The following KIAA1549 variants were observed in gnomAD, a reference collection of about 807,000 sequenced individuals.
The protein encoded by KIAA1549 is KIAA1549.
In KIAA1549, 70 loss-of-function variants were observed where a neutral mutation model predicts 156.4. The ratio of observed to expected loss-of-function variants is 0.45; its 90% CI spans 0.37 to 0.55. The LOEUF is 0.55. KIAA1549 is among the 20% of genes least tolerant of loss of function. KIAA1549 has a pLI of 0.00. For missense variants in KIAA1549, 2,428 were observed against 2,540.9 expected (o/e 0.96, Z 0.96); for synonymous variants, 1,103 against 1,066.4 (o/e 1.03, Z -0.67).
chr7:138,837,987 C>T lies in KIAA1549; in HGVS notation c.5772G>A (p.Ser1924=), dbSNP rs748810208. Residue 1924 remains serine (S), a synonymous_variant, in exon 20 of 20, where the codon TCG becomes TCA. Coordinates refer to ENST00000422774, the MANE Select transcript of KIAA1549 (RefSeq NM_001164665.2). ...STEDLQPGHS[S]ASLIKAIREE... is the part of the protein sequence containing the mutation. ...CGCGGATTGCTTTGATGAGAGAGGC[C>T]GAGGAGTGGCCAGGCTGGAGGTCTT... The T allele has an allele frequency of 1.9e-5, 31 of 1,613,206 alleles. No homozygotes were observed. Among genetic ancestry groups the T allele is most frequent in the Admixed American group, 5.0e-5 (3 of 59,944 alleles).
rs116020169 is a variant in KIAA1549, at chr7:138,854,525, C to A, written c.5248-2256G>T. Among the ~76,000 whole-genome samples, 377 of 152,226 alleles carry A rather than the reference C, an allele frequency of 2.5e-3. 2 individuals are homozygous for A. Among genetic ancestry groups the A allele is most frequent in the African/African-American group, 8.5e-3 (355 of 41,534 alleles). On this transcript the variant is annotated intron_variant, in intron 16 of 19. Transcript: ENST00000422774. ...CGGTAACTGAAGGCACCTTGAAATC[C>A]ACATTCCTGTGGTTTTTCTTTTTTT...
At chr7:138,915,014 CTT>C (rs990878423) in intron 2 of KIAA1549, among the ~76,000 whole-genome samples, 1 of 152,182 alleles carries the variant, frequency 6.6e-6, no homozygotes, top group African/African-American at 2.4e-5. Context: ...ATGAGAAACT[CTT>C]TTCCCTCCTC....
chr7:138,950,332 C>T (rs1298871042), intron 1 of KIAA1549, among the ~76,000 whole-genome samples: 2 of 152,084 alleles, frequency 1.3e-5, no homozygotes, highest in African/African-American at 4.8e-5. Flanking sequence ...ACTAACAGAT[C>T]GCCCTAACAA....
chr7:138,939,983 CAAAAA>C (rs202222244), intron 1 of KIAA1549, among the ~76,000 whole-genome samples: 7 of 151,808 alleles, frequency 4.6e-5, no homozygotes, highest in African/African-American at 1.7e-4. Flanking sequence ...CCCATTTCTA[CAAAAA>C]AAATTTTTTT....
rs773190609 is a variant in KIAA1549 at position 138,918,353 on chromosome 7, T to G, written c.1273A>C (p.Thr425Pro). The G allele has an allele frequency of 1.1e-5, 17 of 1,613,854 alleles. No individual in the cohort carries two copies. Among genetic ancestry groups the G allele is most frequent in the Non-Finnish European group, 1.4e-5 (17 of 1,179,904 alleles). The change falls in exon 2 of 20, where the codon ACT (threonine) becomes CCT (proline). Residue 425 changes from threonine to proline, a missense_variant. Around this residue, in one of 5 missense-constraint regions of KIAA1549, gnomAD observed 893 missense variants for 847.9 expected, o/e 1.05. Coordinates refer to ENST00000422774, the MANE Select transcript of KIAA1549 (RefSeq NM_001164665.2). The surrounding 1 kb of genome is among the most constrained non-coding windows in gnomAD (Gnocchi z 4.2). ...FRPYTWCAAC[T>P]VPSPQQVLAT... ...AGAACTTGCTGAGGTGAAGGCACAG[T>G]GCAGGCCGCACACCAAGTGTATGGT...
chr7:138,841,892 T>A (rs199714302), intron 18 of KIAA1549, among the ~76,000 whole-genome samples: 24 of 141,668 alleles, frequency 1.7e-4, no homozygotes, highest in East Asian at 1.4e-3. Flanking sequence ...CAACCACATT[T>A]AAAAAAAAAA....
At chr7:138,882,211 T>C (rs1811264959) in intron 10 of KIAA1549, among the ~76,000 whole-genome samples, 1 of 152,138 alleles carries the variant, frequency 6.6e-6, no homozygotes, top group South Asian at 2.1e-4. Flanking sequence ...GCCATGCGCA[T>C]AAAACCACAA....
At chr7:138,868,553 G>C (rs570408504) in intron 14 of KIAA1549, among the ~76,000 whole-genome samples, 3 of 152,252 alleles carry the variant, frequency 2.0e-5, no homozygotes, top group African/African-American at 7.2e-5. Context: ...TCAGCCTCCT[G>C]AGTAGCTGGG....
At chr7:138,880,311 G>T (rs1166773180) in intron 11 of KIAA1549, among the ~76,000 whole-genome samples, 1 of 151,918 alleles carries the variant, frequency 6.6e-6, no homozygotes, top group African/African-American at 2.4e-5. Context: ...CAATGACAAG[G>T]CTACCAGGCA....
chr7:138,878,074 G>A (rs939451053), intron 12 of KIAA1549, among the ~76,000 whole-genome samples: 1 of 152,296 alleles, frequency 6.6e-6, no homozygotes, highest in African/African-American at 2.4e-5. Flanking sequence ...TTACCATGGT[G>A]CTAAATAATT....
chr7:138,951,058 TTTTTGTTTTG>T (rs201826819), intron 1 of KIAA1549, among the ~76,000 whole-genome samples: 1 of 152,016 alleles, frequency 6.6e-6, no homozygotes, highest in East Asian at 1.9e-4. Context: ...TCTTCTGGTT[TTTTTGTTTTG>T]TTTTGTTTTG....
At chr7:138,943,863 CAA>C (rs367938533) in intron 1 of KIAA1549, among the ~76,000 whole-genome samples, 1 of 145,860 alleles carries the variant, frequency 6.9e-6, no homozygotes, top group African/African-American at 2.5e-5. Context: ...AAAAACAAAA[CAA>C]AAAAAAAATG....
intron 14 of KIAA1549, 59 bp from the exon 15 acceptor site, chr7:138,868,187 C>T: frequency 6.5e-7 from 1 of 1,527,622 alleles, no homozygotes; most frequent in Non-Finnish European, 8.9e-7. Context: ...CACTGACTTA[C>T]CAACTAAACA....
chr7:138,887,432 C>G (rs1331387918), intron 10 of KIAA1549, among the ~76,000 whole-genome samples: 1 of 152,136 alleles, frequency 6.6e-6, no homozygotes, highest in East Asian at 1.9e-4. Context: ...CCCCGGGGAG[C>G]AGACACACAG....
chr7:138,925,829 C>CAAAAAAAAAAA (rs59066216), intron 1 of KIAA1549, among the ~76,000 whole-genome samples: 2 of 44,604 alleles, frequency 4.5e-5, no homozygotes, highest in Non-Finnish European at 8.8e-5. Context: ...GATCCTGTCT[C>CAAAAAAAAAAA]AAAAAAAAAA....
rs374222997 is a variant in KIAA1549, at chr7:138,868,144, G to T, written c.4776-16C>A. 3 of 1,608,892 alleles carry T rather than the reference G, an allele frequency of 1.9e-6. No homozygotes were observed. Among genetic ancestry groups the T allele is most frequent in the Non-Finnish European group, 2.5e-6 (3 of 1,178,130 alleles). On this transcript the variant is annotated splice_polypyrimidine_tract_variant and intron_variant, in intron 14 of 19. Transcript: ENST00000422774. ...TATCCGTGAGCTGCCAGGAAAAAGA[G>T]AAATTATCTTCGTAGGAAATCACCC...
At chr7:138,892,014 T>C (rs1327014139) in intron 10 of KIAA1549, among the ~76,000 whole-genome samples, 1 of 152,268 alleles carries the variant, frequency 6.6e-6, no homozygotes, top group African/African-American at 2.4e-5. Flanking sequence ...TCTGCAACAC[T>C]GGCAAGGCTT....
intron 1 of KIAA1549, 126 bp from the exon 2 acceptor site, chr7:138,919,564 C>T (rs1812492128): frequency 2.7e-6 from 4 of 1,457,318 alleles, no homozygotes; most frequent in East Asian, 2.3e-5. Context: ...CATGAATCAC[C>T]GTCAGAAGTT....
rs556151303 is a variant in KIAA1549, at chr7:138,915,958, C to T, written c.2878+790G>A. ...TCAGGTGGGCACCAGCTTCACGCGGCCACAGCAGCCATGCAACTGCAAGGG... is the reference window on the plus strand; with the variant it reads ...TCAGGTGGGCACCAGCTTCACGCGGTCACAGCAGCCATGCAACTGCAAGGG... On this transcript the variant is annotated intron_variant, in intron 2 of 19. Transcript: ENST00000422774. Among the ~76,000 whole-genome samples, 39 of 152,380 alleles carry T rather than the reference C, an allele frequency of 2.6e-4. 1 individual carries two copies. In the South Asian group the frequency reaches 6.4e-3, roughly 25 times the overall value.
Sources: gnomAD v4.1 joint callset for allele counts (sites outside exome capture counted in the v4.1 genomes callset) on GRCh38, gnomAD v4.1.1 for gene constraint, gnomAD v4.1.1 regional missense constraint, Gnocchi (gnomAD v3.1) non-coding constraint, MANE v1.5 for transcripts, NCBI Gene and HGNC (gene_info 2026-07-23, HGNC 2026-07-21) for gene names.